The following MEMO1 variants were observed in gnomAD, a reference collection of about 807,000 sequenced individuals.
MEMO1 encodes the protein protein MEMO1.
A neutral mutation model predicts 45.2 loss-of-function variants in MEMO1; 6 were observed. The ratio of observed to expected loss-of-function variants is 0.13; its 90% CI spans 0.07 to 0.26. The LOEUF is 0.26. MEMO1 is among the 10% of genes least tolerant of loss of function. The pLI, the probability that MEMO1 is intolerant of heterozygous loss-of-function variation, is 1.00. For missense variants in MEMO1, 184 were observed against 370.5 expected (o/e 0.50, Z 4.13); for synonymous variants, 78 against 124.3 (o/e 0.63, Z 2.48).
At chr2:31,933,059 T>C (rs1479651076) in intron 3 of MEMO1, among the ~76,000 whole-genome samples, 2 of 151,676 alleles carry the variant, frequency 1.3e-5, no homozygotes, top group African/African-American at 2.4e-5. Context: ...CTACTGACAC[T>C]CAAAATAACT....
chr2:31,973,083 G>C (rs1558545015), intron 2 of MEMO1, among the ~76,000 whole-genome samples: 1 of 152,284 alleles, frequency 6.6e-6, no homozygotes, highest in Non-Finnish European at 1.5e-5. Context: ...CTGTGGAAAA[G>C]TTTGTCAGTT....
At chr2:31,938,142 C>T (rs988003295) in intron 3 of MEMO1, among the ~76,000 whole-genome samples, 1 of 152,074 alleles carries the variant, frequency 6.6e-6, no homozygotes, top group African/African-American at 2.4e-5. Context: ...GATTAGAATT[C>T]ATTAAGATAG....
At chr2:31,960,808 G>A (rs1169417696) in intron 2 of MEMO1, among the ~76,000 whole-genome samples, 1 of 151,872 alleles carries the variant, frequency 6.6e-6, no homozygotes, top group African/African-American at 2.4e-5. Context: ...CTGCTCTTGA[G>A]CTCCTGACCT....
At chr2:31,888,002 T>A (rs1676438491) in intron 7 of MEMO1, among the ~76,000 whole-genome samples, 1 of 152,122 alleles carries the variant, frequency 6.6e-6, no homozygotes, top group South Asian at 2.1e-4. Context: ...GGTAGTTATG[T>A]AAACCAAAAC....
intron 2 of MEMO1, among the ~76,000 whole-genome samples, chr2:31,998,799 C>CAA (rs1186000366): frequency 3.8e-5 from 4 of 105,728 alleles, no homozygotes; most frequent in Admixed American, 2.0e-4. Context: ...GACTCCGTCT[C>CAA]AAAAAAAAAA....
intron 2 of MEMO1, among the ~76,000 whole-genome samples, chr2:31,989,944 C>A (rs1671739771): frequency 6.6e-6 from 1 of 151,990 alleles, no homozygotes; most frequent in Non-Finnish European, 1.5e-5. Flanking sequence ...ATGGTGAAAC[C>A]CTGTCTCTAC....
intron 2 of MEMO1, among the ~76,000 whole-genome samples, chr2:32,005,996 G>T (rs1173474571): frequency 1.3e-5 from 2 of 152,140 alleles, no homozygotes; most frequent in Non-Finnish European, 2.9e-5. Flanking sequence ...TTTCAACAGA[G>T]GGACCAGTTT....
chr2:31,941,412 A>T (rs2148312254), intron 3 of MEMO1, among the ~76,000 whole-genome samples: 1 of 152,222 alleles, frequency 6.6e-6, no homozygotes, highest in South Asian at 2.1e-4. Flanking sequence ...GTAACACCCT[A>T]CCCATACTGT....
rs549319323 is a variant in MEMO1 at position 31,869,989 on chromosome 2, A to G, written c.658-37T>C. On this transcript the variant is annotated intron_variant, in intron 8 of 9. Transcript: ENST00000404530. ...AAAAAAGAAGAGGAAGAAAAAAATAAAAGAAGAAGACAATATTTATTATTT... is the reference window on the plus strand; with the variant it reads ...AAAAAAGAAGAGGAAGAAAAAAATAGAAGAAGAAGACAATATTTATTATTT... 13 of 1,380,726 alleles carry G rather than the reference A, an allele frequency of 9.4e-6. No individual in the cohort carries two copies. In the South Asian group the frequency reaches 1.4e-4, roughly 14 times the overall value. The allele number at this position is 1,380,726 out of a possible 1,614,324, so 85.5% of individuals were successfully genotyped here.
chr2:31,938,846 G>A (rs910423140), intron 3 of MEMO1, among the ~76,000 whole-genome samples: 1 of 149,552 alleles, frequency 6.7e-6, no homozygotes, highest in Non-Finnish European at 1.5e-5. Flanking sequence ...GGGTGCAGTG[G>A]TGCAATCTCA....
At chr2:31,880,885 G>A (rs1437112777) in intron 8 of MEMO1, among the ~76,000 whole-genome samples, 7 of 152,002 alleles carry the variant, frequency 4.6e-5, no homozygotes, top group Admixed American at 3.3e-4. Context: ...TTAGCCGGGC[G>A]TGGTGGTAAA....
At chr2:31,932,429 T>C (rs1664296175) in intron 3 of MEMO1, among the ~76,000 whole-genome samples, 1 of 151,770 alleles carries the variant, frequency 6.6e-6, no homozygotes, top group South Asian at 2.1e-4. Context: ...ATTATTGAGG[T>C]TGGTTTTTGT....
chr2:31,986,259 C>T (rs1165441536), intron 2 of MEMO1, among the ~76,000 whole-genome samples: 1 of 151,940 alleles, frequency 6.6e-6, no homozygotes, highest in Non-Finnish European at 1.5e-5. Context: ...ATTAGCCGGG[C>T]GTGGTGGCAG....
intron 6 of MEMO1, among the ~76,000 whole-genome samples, chr2:31,904,973 C>G (rs1679452653): frequency 6.6e-6 from 1 of 152,192 alleles, no homozygotes. Flanking sequence ...ATGGCTCATG[C>G]CTGTAATCCC....
chr2:31,993,889 A>G (rs1190227008), intron 2 of MEMO1, among the ~76,000 whole-genome samples: 1 of 151,696 alleles, frequency 6.6e-6, no homozygotes, highest in African/African-American at 2.4e-5. Flanking sequence ...AACTATAAAA[A>G]TGATCCATAA....
intron 6 of MEMO1, among the ~76,000 whole-genome samples, chr2:31,894,817 G>A (rs1677512300): frequency 6.6e-6 from 1 of 152,118 alleles, no homozygotes; most frequent in African/African-American, 2.4e-5. Context: ...TTCTTTTAAT[G>A]AGAAATGGGG....
chr2:31,921,313 G>A (rs1682283403), intron 4 of MEMO1, among the ~76,000 whole-genome samples: 1 of 152,156 alleles, frequency 6.6e-6, no homozygotes, highest in African/African-American at 2.4e-5. Context: ...AAATAAATTT[G>A]TGTTGTTTAA....
intron 3 of MEMO1, among the ~76,000 whole-genome samples, chr2:31,933,662 C>T (rs1027879326): frequency 1.3e-4 from 19 of 151,834 alleles, no homozygotes; most frequent in Non-Finnish European, 1.2e-4. Context: ...TACAGCAATA[C>T]AAGATAGTAG....
intron 9 of MEMO1, 144 bp downstream of exon 9, chr2:31,869,703 TG>T: frequency 1.3e-6 from 1 of 755,658 alleles, no homozygotes; most frequent in Non-Finnish European, 2.0e-6. Context: ...CCAAAAGCAA[TG>T]GAACTCCAAA....
Sources: allele counts gnomAD v4.1 joint callset (sites outside exome capture counted in the v4.1 genomes callset), GRCh38; gene constraint gnomAD v4.1.1; transcripts MANE v1.5; gene names NCBI Gene and HGNC (gene_info 2026-07-23, HGNC 2026-07-21).